DCAF8: variants seen among roughly 807,000 people sequenced by gnomAD.
The protein encoded by DCAF8 is DDB1- and CUL4-associated factor 8.
In DCAF8, 20 loss-of-function variants were observed where a neutral mutation model predicts 68.0. The observed-to-expected ratio is 0.29, with a 90% CI of 0.21 to 0.43. The LOEUF (loss-of-function observed/expected upper bound fraction) is 0.43, where lower values mean the gene tolerates loss of function less well. Ranked by LOEUF, DCAF8 falls within the 20% of genes least tolerant of loss-of-function variation. The pLI is 1.00. For missense variants in DCAF8, 460 were observed against 771.0 expected (o/e 0.60, Z 4.78); for synonymous variants, 230 against 276.9 (o/e 0.83, Z 1.68).
chr1:160,243,884 T>C (rs1356693989), intron 3 of DCAF8, 76 bp downstream of exon 3: 10 of 1,475,230 alleles, frequency 6.8e-6, no homozygotes, highest in Admixed American at 1.8e-5. Context: ...AATCCAGGCC[T>C]CCACTCTATC....
intron 2 of DCAF8, among the ~76,000 whole-genome samples, chr1:160,246,870 G>T (rs1286895752): frequency 1.3e-5 from 2 of 152,070 alleles, no homozygotes; most frequent in Admixed American, 6.5e-5. Context: ...GAGATGGAAG[G>T]ATCACATGAG....
At chr1:160,253,227 G>A (rs556341853) in intron 2 of DCAF8, among the ~76,000 whole-genome samples, 2 of 152,266 alleles carry the variant, frequency 1.3e-5, no homozygotes, top group South Asian at 2.1e-4. Flanking sequence ...TAGGCTGGGC[G>A]CAGTGACTCA....
chr1:160,242,083 G>C (rs770965261), intron 3 of DCAF8, among the ~76,000 whole-genome samples: 10 of 151,978 alleles, frequency 6.6e-5, no homozygotes, highest in Non-Finnish European at 1.2e-4. Context: ...ATTTCTACTA[G>C]AAATACAAAA....
intron 2 of DCAF8, among the ~76,000 whole-genome samples, chr1:160,251,195 C>T (rs1043571120): frequency 6.6e-6 from 1 of 152,144 alleles, no homozygotes; most frequent in Non-Finnish European, 1.5e-5. Flanking sequence ...GAGAGCCACA[C>T]AGTCCCAAGT....
At chr1:160,235,632 T>C (rs777407151) in intron 6 of DCAF8, among the ~76,000 whole-genome samples, 1 of 151,960 alleles carries the variant, frequency 6.6e-6, no homozygotes, top group Non-Finnish European at 1.5e-5. Flanking sequence ...TATGTTTATA[T>C]ATACATACAA....
intron 3 of DCAF8, among the ~76,000 whole-genome samples, chr1:160,240,663 G>A (rs1335947497): frequency 4.6e-5 from 7 of 152,228 alleles, no homozygotes; most frequent in Non-Finnish European, 8.8e-5. Flanking sequence ...TTGGCATATT[G>A]TATAAAAGTG....
Position 160,231,383 on chromosome 1 carries a change from T to A in DCAF8, c.984A>T (p.Lys328Asn), listed in dbSNP as rs1256832676. The change falls in exon 7 of 14, where the codon AAA becomes AAT. Residue 328 changes from lysine to asparagine, a missense_variant. By Grantham distance (94) the Lys-to-Asn change is moderately conservative (BLOSUM62 0). Coordinates refer to ENST00000368074, the MANE Select transcript of DCAF8 (RefSeq NM_015726.4). ...TCGTATACAGCCCCACTTTCTTCTCTTTCTCTTTTGTCACCACCAGTTTCC... is the reference window on the plus strand; with the variant it reads ...TCGTATACAGCCCCACTTTCTTCTCATTCTCTTTTGTCACCACCAGTTTCC... Reference protein sequence around the residue: ...PASKLVVTKEKEKKVGLYTIY... With the variant: ...PASKLVVTKENEKKVGLYTIY... 6.2e-7 allele frequency: 1 copy of A among 1,613,968 alleles called. No homozygotes were observed. The highest frequency in any genetic ancestry group is 1.7e-5 in the Admixed American group (1 of 59,992).
In DCAF8 at chr1:160,218,410, C is replaced by T; in HGVS notation, c.1591G>A (p.Glu531Lys). Reference protein sequence around the residue: ...VIKKNKRERDEDSLHQTDLFD... With the variant: ...VIKKNKRERDKDSLHQTDLFD... The stretch of plus-strand genomic sequence containing the variant: ...AGGTCAGTTTGGTGCAAGCTATCTT[C>T]ATCCCGCTCCCGCTTGTTCTTCTTA... The change falls in exon 13 of 14, where the codon GAA (glutamate) becomes AAA (lysine). Residue 531 changes from glutamate (E) to lysine (K), a missense_variant. Transcript: ENST00000368074. The T allele has an allele frequency of 6.2e-7, 1 of 1,614,210 alleles. No homozygotes were observed. Among genetic ancestry groups the T allele is most frequent in the East Asian group, 2.2e-5 (1 of 44,884 alleles).
At chr1:160,229,230 AGGTTGCAGTGAGCCGAGATCGAG>A (rs1327206858) in intron 7 of DCAF8, among the ~76,000 whole-genome samples, 2 of 152,058 alleles carry the variant, frequency 1.3e-5, no homozygotes, top group African/African-American at 2.4e-5. Flanking sequence ...CAGGAGGCAG[AGGTTGCAGTGAGCCGAGATCGAG>A]CCACTACACT....
chr1:160,251,718 T>C (rs923836071), intron 2 of DCAF8, among the ~76,000 whole-genome samples: 12 of 152,182 alleles, frequency 7.9e-5, no homozygotes, highest in Non-Finnish European at 1.8e-4. Context: ...TCCACCTTCC[T>C]TGGCCTCCCA....
rs371944213 is a variant in DCAF8, at chr1:160,218,366, C to G, written c.1635G>C (p.Leu545=). The G allele has an allele frequency of 2.2e-5, 36 of 1,614,104 alleles. No individual in the cohort carries two copies. The highest frequency in any genetic ancestry group is 3.0e-5 in the Non-Finnish European group (35 of 1,180,030). ...HQTDLFDSHM[L]WFLMHHLRQR... ...GTCTCAGGTGATGCATAAGGAACCA[C>G]AGCATGTGACTATCAAACAGGTCAG... The change falls in exon 13 of 14, where the codon CTG becomes CTC. Residue 545 remains leucine (L), a synonymous_variant. Coordinates refer to ENST00000368074, the MANE Select transcript of DCAF8 (RefSeq NM_015726.4).
chr1:160,221,336 G>A (rs1655287033), intron 11 of DCAF8: 2 of 152,200 alleles, frequency 1.3e-5, no homozygotes, highest in African/African-American at 4.8e-5. Flanking sequence ...TTTGTTCACT[G>A]CAGATGACAC....
Position 160,240,245 on chromosome 1 carries a change from G to A in DCAF8, c.175C>T (p.Arg59Cys), listed in dbSNP as rs147997856. 132 of 1,614,026 alleles carry A rather than the reference G, an allele frequency of 8.2e-5. No individual in the cohort carries two copies. The African/African-American group carries it at 1.2e-3, about 15-fold the overall frequency. Residue 59 changes from arginine to cysteine, a missense_variant, in exon 4 of 14, where the codon CGC becomes TGC. Arg to Cys is a radical substitution (Grantham distance 180). Transcript: ENST00000368074. ...GTGCCTCGACTTTCTGTGCTGGTGC[G>A]GTTGGGGCCACCATCATCCCCAGTC... ...SLTGDDGGPN[R>C]TSTESRGTDT...
intron 2 of DCAF8, among the ~76,000 whole-genome samples, chr1:160,247,213 G>C (rs1260249917): frequency 6.6e-6 from 1 of 152,188 alleles, no homozygotes; most frequent in Admixed American, 6.5e-5. Context: ...AATTAGATTA[G>C]CTCCACTGTT....
intron 6 of DCAF8, among the ~76,000 whole-genome samples, chr1:160,236,543 A>G (rs1386554536): frequency 6.6e-6 from 1 of 152,156 alleles, no homozygotes; most frequent in Non-Finnish European, 1.5e-5. Context: ...AATGAGGTTC[A>G]GAAGGTTATG....
chr1:160,249,784 T>C (rs1399275066), intron 2 of DCAF8, among the ~76,000 whole-genome samples: 1 of 152,232 alleles, frequency 6.6e-6, no homozygotes, highest in Non-Finnish European at 1.5e-5. Context: ...TTGTGGTAGG[T>C]CCACACAATG....
At chr1:160,251,531 A>G (rs1172756046) in intron 2 of DCAF8, among the ~76,000 whole-genome samples, 1 of 151,980 alleles carries the variant, frequency 6.6e-6, no homozygotes, top group Non-Finnish European at 1.5e-5. Context: ...GGAATTCAGT[A>G]ATGTGATCTC....
At chr1:160,223,726 CATCT>C (rs1655373576) in intron 10 of DCAF8, among the ~76,000 whole-genome samples, 1 of 152,066 alleles carries the variant, frequency 6.6e-6, no homozygotes, top group African/African-American at 2.4e-5. Flanking sequence ...GGTGAAACCC[CATCT>C]CCACAAAAAA....
chr1:160,237,354 T>C (rs1655933153), intron 5 of DCAF8, 125 bp from the exon 6 acceptor site: 4 of 670,118 alleles, frequency 6.0e-6, no homozygotes, highest in Non-Finnish European at 1.0e-5. Context: ...GTCTACCTTT[T>C]TGTCATAAAA....
Sources: allele counts gnomAD v4.1 joint callset (sites outside exome capture counted in the v4.1 genomes callset), GRCh38; gene constraint gnomAD v4.1.1; transcripts MANE v1.5; gene names NCBI Gene and HGNC (gene_info 2026-07-23, HGNC 2026-07-21).